The following CSMD1 variants were observed in gnomAD, a reference collection of about 807,000 sequenced individuals.
CSMD1 encodes CUB and Sushi multiple domains 1.
Under a neutral mutation model 417.5 loss-of-function variants are expected in CSMD1, and 213 were observed. The ratio of observed to expected loss-of-function variants is 0.51; its 90% CI spans 0.46 to 0.57. The LOEUF (loss-of-function observed/expected upper bound fraction) is 0.57. Among genes scored for constraint, CSMD1 ranks in the 20% least tolerant of loss-of-function variants. CSMD1 has a pLI of 0.00. For synonymous variants in CSMD1, 2,862 were observed against 1,736.8 expected, an observed-to-expected ratio of 1.65 and a Z score of -16.11; for missense variants, 6,923 against 4,529.7, an observed-to-expected ratio of 1.53 and a Z score of -15.17.
chr8:4,096,540 T>C (rs1198137592), intron 3 of CSMD1, among the ~76,000 whole-genome samples: 1 of 151,710 alleles, frequency 6.6e-6, no homozygotes, highest in Admixed American at 6.6e-5. Context: ...GAATGTTAAA[T>C]CCTTTCTTAA....
chr8:4,657,688 A>C (rs774011127), intron 1 of CSMD1, among the ~76,000 whole-genome samples: 28 of 151,810 alleles, frequency 1.8e-4, no homozygotes, highest in Non-Finnish European at 2.5e-4. Flanking sequence ...AAACATTAAC[A>C]AAAAGAAAAT....
chr8:4,001,391 G>C (rs145115648), intron 4 of CSMD1, among the ~76,000 whole-genome samples: 2,529 of 152,204 alleles, frequency 0.017, 46 homozygotes, highest in East Asian at 0.073. Flanking sequence ...TGGAAGGTTC[G>C]ATGACCTGCA....
intron 1 of CSMD1, among the ~76,000 whole-genome samples, chr8:4,805,377 G>C (rs1175666042): frequency 3.3e-5 from 5 of 152,226 alleles, no homozygotes; most frequent in African/African-American, 7.2e-5. Flanking sequence ...TTATTCTCAT[G>C]GTGATCTAAT....
chr8:4,695,217 G>A (rs1043672566), intron 1 of CSMD1, among the ~76,000 whole-genome samples: 3 of 151,910 alleles, frequency 2.0e-5, no homozygotes, highest in Admixed American at 6.6e-5. Context: ...CCTATGGAAA[G>A]CTTGCCTGTC....
At chr8:4,149,545 T>C (rs532339878) in intron 3 of CSMD1, among the ~76,000 whole-genome samples, 3 of 152,284 alleles carry the variant, frequency 2.0e-5, no homozygotes, top group African/African-American at 4.8e-5. Context: ...TAACCAAAAA[T>C]ATTTAATTCT....
At chr8:4,214,889 CTTT>C (rs1800541876) in intron 3 of CSMD1, among the ~76,000 whole-genome samples, 1 of 151,882 alleles carries the variant, frequency 6.6e-6, no homozygotes, top group Admixed American at 6.6e-5. Context: ...AATGTATATT[CTTT>C]TTTAAGTTTT....
chr8:4,762,824 C>G (rs575377272), intron 1 of CSMD1, among the ~76,000 whole-genome samples: 1 of 152,158 alleles, frequency 6.6e-6, no homozygotes, highest in Admixed American at 6.5e-5. Flanking sequence ...CATTTACTAA[C>G]GCGAAGAAAA....
At chr8:4,498,211 G>A (rs1802072943) in intron 2 of CSMD1, among the ~76,000 whole-genome samples, 1 of 152,168 alleles carries the variant, frequency 6.6e-6, no homozygotes, top group Non-Finnish European at 1.5e-5. Flanking sequence ...AGACGGGGTT[G>A]AACGATGATT....
At chr8:3,916,427 G>T (rs955391228) in intron 5 of CSMD1, among the ~76,000 whole-genome samples, 12 of 152,098 alleles carry the variant, frequency 7.9e-5, no homozygotes, top group African/African-American at 2.9e-4. Context: ...CTTAACAAAT[G>T]ACAAAACACT....
chr8:3,896,649 C>T (rs2930380), intron 5 of CSMD1, among the ~76,000 whole-genome samples: 2 of 151,982 alleles, frequency 1.3e-5, no homozygotes, highest in East Asian at 1.9e-4. Context: ...GTAGCTGGGA[C>T]TACAGGCGCC....
intron 1 of CSMD1, among the ~76,000 whole-genome samples, chr8:4,658,895 T>C (rs1804407653): frequency 6.6e-6 from 1 of 152,168 alleles, no homozygotes. Flanking sequence ...GCACAACTTT[T>C]CTATGTTATT....
At chr8:3,870,222 C>A (rs1805387978) in intron 5 of CSMD1, among the ~76,000 whole-genome samples, 1 of 152,114 alleles carries the variant, frequency 6.6e-6, no homozygotes. Flanking sequence ...ATTTCTCTTT[C>A]TAGCAAAATT....
rs570945838 is a variant in CSMD1, at chr8:4,632,813, T to C, written c.302+4529A>G. On this transcript the variant is annotated intron_variant, in intron 2 of 69. Coordinates refer to ENST00000635120, the MANE Select transcript of CSMD1 (RefSeq NM_033225.6). ...TTCCTGAAATAAATATAATGTGCAC[T>C]GCGTTTTGAAAGACGCATACTATTC... Among the ~76,000 whole-genome samples the C allele has an allele frequency of 2.2e-4, 33 of 152,158 alleles. No individual in the cohort carries two copies. The South Asian group carries it at 6.6e-3, about 31-fold the overall frequency.
chr8:4,827,974 T>G (rs998508412), intron 1 of CSMD1, among the ~76,000 whole-genome samples: 4 of 152,216 alleles, frequency 2.6e-5, no homozygotes, highest in African/African-American at 9.6e-5. Context: ...CTTAGAATTT[T>G]AACCATCACA....
chr8:4,981,345 G>T (rs745534580), intron 1 of CSMD1, among the ~76,000 whole-genome samples: 3 of 152,166 alleles, frequency 2.0e-5, no homozygotes, highest in African/African-American at 4.8e-5. Flanking sequence ...TAACTCTCTA[G>T]ATTGAAACAT....
At chr8:4,567,258 C>A (rs992180376) in intron 2 of CSMD1, among the ~76,000 whole-genome samples, 6 of 152,088 alleles carry the variant, frequency 3.9e-5, no homozygotes, top group Non-Finnish European at 8.8e-5. Flanking sequence ...GTTTCATTCA[C>A]TACAATTGTA....
intron 2 of CSMD1, among the ~76,000 whole-genome samples, chr8:4,576,850 T>C (rs1799160776): frequency 6.6e-6 from 1 of 152,178 alleles, no homozygotes. Context: ...CATGTACATT[T>C]CCACAAATGC....
chr8:3,884,512 C>A (rs929790285), intron 5 of CSMD1, among the ~76,000 whole-genome samples: 3 of 152,172 alleles, frequency 2.0e-5, no homozygotes, highest in African/African-American at 7.2e-5. Flanking sequence ...GATTCTCCTC[C>A]TTCGGGGTCC....
Position 4,711,955 on chromosome 8 carries a change from T to C in CSMD1, c.86-74397A>G, listed in dbSNP as rs376863379. ...TGGCTGGCTACTGTGCACATCTCAT[T>C]TGCGGTACAGTTTTAAACTCAAGTC... On this transcript the variant is annotated intron_variant, in intron 1 of 69. Coordinates refer to ENST00000635120, the MANE Select transcript of CSMD1 (RefSeq NM_033225.6). 5.9e-5 allele frequency among the ~76,000 whole-genome samples: 9 copies of C among 152,280 alleles called. No homozygotes were observed. The South Asian group carries it at 1.0e-3, about 18-fold the overall frequency.
Sources: gnomAD v4.1 joint callset for allele counts (sites outside exome capture counted in the v4.1 genomes callset) on GRCh38, gnomAD v4.1.1 for gene constraint, MANE v1.5 for transcripts, NCBI Gene and HGNC (gene_info 2026-07-23, HGNC 2026-07-21) for gene names.